Variants in TLR6 observed in about 807,000 individuals in gnomAD.
The protein encoded by TLR6 is toll like receptor 6, also known as toll-like receptor 6.
In TLR6, 9 loss-of-function variants were observed where a neutral mutation model predicts 16.1. The observed-to-expected ratio is 0.56, with a 90% confidence interval of 0.34 to 0.98. TLR6 has a LOEUF of 0.98. Among genes scored for constraint, TLR6 ranks in the 50% least tolerant of loss-of-function variants. The pLI is 0.02. For synonymous variants in TLR6, 340 were observed against 338.6 expected (o/e 1.00, Z -0.04); for missense variants, 786 against 921.0 (o/e 0.85, Z 1.90).
At chr4:38,856,461 G>C (rs1224483497) in intron 1 of TLR6, among the ~76,000 whole-genome samples, 2 of 152,202 alleles carry the variant, frequency 1.3e-5, no homozygotes, top group South Asian at 4.1e-4. Context: ...AAGACGAAAA[G>C]AGAAAATTCG....
chr4:38,868,285 C>G, the TLR6 span: 1 of 156,676 alleles, frequency 6.4e-6, no homozygotes, highest in East Asian at 1.9e-4. Flanking sequence ...ACGAAGGGAG[C>G]AGGTCCCTGT....
the TLR6 span, among the ~76,000 whole-genome samples, chr4:38,865,936 C>T: frequency 6.6e-6 from 1 of 151,768 alleles, no homozygotes; most frequent in South Asian, 2.1e-4. Context: ...GTCAGGAGTT[C>T]GAGACCAGCC....
exon 2 of TLR6, chr4:38,826,243 C>T (rs1727541890): frequency 6.6e-6 from 1 of 152,286 alleles, no homozygotes; most frequent in Non-Finnish European, 1.5e-5. Context: ...ACGCTTTTGA[C>T]TCTAGTCTTC....
rs140887815 is a variant in TLR6, at chr4:38,830,715, A to G, written c.-64-1178T>C. 5.4e-4 allele frequency among the ~76,000 whole-genome samples: 83 copies of G among 152,294 alleles called. 1 individual carries two copies. The East Asian group carries it at 0.015, about 28-fold the overall frequency. On this transcript the variant is annotated intron_variant, in intron 1 of 1. Transcript: ENST00000436693. ...GGGTGACAGAATGAGACCCTGTCAA[A>G]AAATAAATAAATAAATAAATAAAAC...
At chr4:38,844,291 C>T (rs941418320) in intron 1 of TLR6, among the ~76,000 whole-genome samples, 2 of 152,128 alleles carry the variant, frequency 1.3e-5, no homozygotes, top group East Asian at 1.9e-4. Context: ...AAGTATATAT[C>T]GGTCAAAGTA....
the TLR6 span, among the ~76,000 whole-genome samples, chr4:38,865,049 A>T: frequency 6.6e-6 from 1 of 152,200 alleles, no homozygotes; most frequent in Non-Finnish European, 1.5e-5. Flanking sequence ...AGGGATATAC[A>T]ACCACCTCAA....
At chr4:38,844,001 G>A (rs575970438) in intron 1 of TLR6, among the ~76,000 whole-genome samples, 62 of 152,312 alleles carry the variant, frequency 4.1e-4, no homozygotes, top group South Asian at 2.5e-3. Flanking sequence ...TACTTAATGA[G>A]TAGCTAGGCA....
chr4:38,849,329 A>G (rs138872304), intron 1 of TLR6, among the ~76,000 whole-genome samples: 4,744 of 152,340 alleles, frequency 0.031, 215 homozygotes, highest in African/African-American at 0.087. Context: ...ACAACATGCC[A>G]AAATGTAAAG....
intron 1 of TLR6, among the ~76,000 whole-genome samples, chr4:38,841,159 T>C (rs1712240667): frequency 6.7e-6 from 1 of 149,648 alleles, no homozygotes; most frequent in African/African-American, 2.5e-5. Flanking sequence ...CATCTTCACA[T>C]CATTTCCAAT....
chr4:38,866,294 C>G, the TLR6 span, among the ~76,000 whole-genome samples: 14 of 150,722 alleles, frequency 9.3e-5, no homozygotes, highest in Non-Finnish European at 1.6e-4. Context: ...GAGTTCGAGA[C>G]CAGCCTGGCC....
chr4:38,850,871 C>T (rs1235115291), intron 1 of TLR6, among the ~76,000 whole-genome samples: 1 of 152,184 alleles, frequency 6.6e-6, no homozygotes, highest in Non-Finnish European at 1.5e-5. Context: ...TCCTCCTTAA[C>T]TCATTTTATG....
At chr4:38,848,516 A>C (rs148111668) in intron 1 of TLR6, among the ~76,000 whole-genome samples, 4,744 of 152,338 alleles carry the variant, frequency 0.031, 216 homozygotes, top group African/African-American at 0.087. Context: ...ATTGCAAAGA[A>C]GCTAAAAACC....
intron 1 of TLR6, among the ~76,000 whole-genome samples, chr4:38,851,048 C>T (rs530485833): frequency 6.6e-6 from 1 of 152,284 alleles, no homozygotes; most frequent in South Asian, 2.1e-4. Context: ...AAGTGGGCTT[C>T]ATCCCTGGGA....
At chr4:38,839,618 A>G (rs937063158) in intron 1 of TLR6, among the ~76,000 whole-genome samples, 5 of 152,206 alleles carry the variant, frequency 3.3e-5, no homozygotes, top group Admixed American at 6.5e-5. Context: ...AAGGGTTAAC[A>G]AATCCATTTC....
chr4:38,841,224 C>T (rs1028003269), intron 1 of TLR6, among the ~76,000 whole-genome samples: 1 of 152,104 alleles, frequency 6.6e-6, no homozygotes, highest in Non-Finnish European at 1.5e-5. Flanking sequence ...TTATTTTATG[C>T]AACGTTGACT....
intron 1 of TLR6, among the ~76,000 whole-genome samples, chr4:38,830,121 C>A (rs1035096732): frequency 1.1e-4 from 17 of 152,186 alleles, no homozygotes; most frequent in Admixed American, 4.6e-4. Context: ...CTTTAGCTTC[C>A]ATGCATGCAG....
chr4:38,831,394 C>T (rs1264991986), intron 1 of TLR6, among the ~76,000 whole-genome samples: 1 of 151,706 alleles, frequency 6.6e-6, no homozygotes, highest in African/African-American at 2.4e-5. Flanking sequence ...ATGTATAATG[C>T]AAAACTATAA....
At chr4:38,837,077 A>C (rs1711964858) in intron 1 of TLR6, among the ~76,000 whole-genome samples, 1 of 152,212 alleles carries the variant, frequency 6.6e-6, no homozygotes, top group Non-Finnish European at 1.5e-5. Context: ...TACTGATGAA[A>C]GAAATTGAGA....
At chr4:38,845,968 T>G (rs1396202592) in intron 1 of TLR6, among the ~76,000 whole-genome samples, 1 of 151,670 alleles carries the variant, frequency 6.6e-6, no homozygotes, top group African/African-American at 2.4e-5. Flanking sequence ...AGTGGGTGCC[T>G]GCAGTCCCAG....
Sources: allele counts gnomAD v4.1 joint callset (sites outside exome capture counted in the v4.1 genomes callset), GRCh38; gene constraint gnomAD v4.1.1; transcripts MANE v1.5; gene names NCBI Gene and HGNC (gene_info 2026-07-23, HGNC 2026-07-21).